The following CHN2 variants were observed in gnomAD, a reference collection of about 807,000 sequenced individuals.
The protein encoded by CHN2 is beta-chimaerin.
CHN2 carries 35 observed loss-of-function variants against 56.3 expected under a neutral mutation model. That is an observed-to-expected ratio of 0.62 (90% CI 0.47 to 0.82). CHN2 has a LOEUF of 0.82. CHN2 is among the 40% of genes least tolerant of loss of function. The pLI is 0.00. For synonymous variants in CHN2, 210 were observed against 212.8 expected (o/e 0.99, Z 0.12); for missense variants, 491 against 580.5 (o/e 0.85, Z 1.58).
At chr7:29,197,620 C>T (rs935455353) in intron 1 of CHN2, among the ~76,000 whole-genome samples, 3 of 152,232 alleles carry the variant, frequency 2.0e-5, no homozygotes, top group Admixed American at 6.5e-5. Context: ...ACACAATCCA[C>T]TTCTTTCATC....
At chr7:29,212,641 T>C (rs1289562966) in intron 1 of CHN2, 1 of 1,426,354 alleles carries the variant, frequency 7.0e-7, no homozygotes, top group African/African-American at 1.4e-5. Context: ...ATGATAGATT[T>C]CAGAGACAGA....
chr7:29,252,482 C>T (rs904552941), intron 1 of CHN2, among the ~76,000 whole-genome samples: 1 of 150,948 alleles, frequency 6.6e-6, no homozygotes, highest in Non-Finnish European at 1.5e-5. Context: ...GCCACTGCAC[C>T]CGGCCGATTA....
rs768065449 is a variant in CHN2, at chr7:29,194,992, T to C, written c.49+2T>C. 1.3e-6 allele frequency: 2 copies of C among 1,586,518 alleles called. No individual in the cohort carries two copies. Among genetic ancestry groups the C allele is most frequent in the South Asian group, 1.1e-5 (1 of 87,744 alleles). ...TGTCCGGCTCGTCGGTGTCCTCCGGTGAGTTTCAGCCCGTCGGGCGCTGCT... is the reference window on the plus strand; with the variant it reads ...TGTCCGGCTCGTCGGTGTCCTCCGGCGAGTTTCAGCCCGTCGGGCGCTGCT... On this transcript the variant is annotated splice_donor_variant, in intron 1 of 12. Transcript: ENST00000222792. LOFTEE classifies it high-confidence loss of function.
At chr7:29,212,845 C>G (rs1785058312) in intron 1 of CHN2, 1 of 1,608,966 alleles carries the variant, frequency 6.2e-7, no homozygotes, top group South Asian at 1.1e-5. Flanking sequence ...CTTCCTACCA[C>G]CAGGGATGAC....
intron 3 of CHN2, among the ~76,000 whole-genome samples, chr7:29,388,294 C>G (rs1358442514): frequency 1.3e-5 from 2 of 152,038 alleles, no homozygotes; most frequent in East Asian, 1.9e-4. Context: ...AAAAAAATGG[C>G]AAATAAATAT....
rs1738711327 is a variant in CHN2, at chr7:29,346,743, T to G, written c.50-7882T>G. 2.0e-5 allele frequency among the ~76,000 whole-genome samples: 3 copies of G among 152,248 alleles called. No individual in the cohort carries two copies. In the East Asian group the frequency reaches 5.8e-4, roughly 29 times the overall value. On this transcript the variant is annotated intron_variant, in intron 1 of 12. Transcript: ENST00000222792. ...TGTTTTTCTGTGAGTCGAGTCATCC[T>G]CCACTGAGCCGAGTGAAGGAATCTG...
chr7:29,294,265 G>T (rs117668099), intron 1 of CHN2, among the ~76,000 whole-genome samples: 1,739 of 152,226 alleles, frequency 0.011, 14 homozygotes, highest in Admixed American at 0.017. Flanking sequence ...TTAGTTGAAT[G>T]AATGAATGAA....
chr7:29,395,592 T>A (rs1353623679), intron 4 of CHN2, among the ~76,000 whole-genome samples: 1 of 152,222 alleles, frequency 6.6e-6, no homozygotes, highest in East Asian at 1.9e-4. Context: ...TACCCATAGT[T>A]CTACCATGAA....
intron 1 of CHN2, among the ~76,000 whole-genome samples, chr7:29,283,111 G>A (rs1791854225): frequency 6.6e-6 from 1 of 152,212 alleles, no homozygotes; most frequent in Non-Finnish European, 1.5e-5. Flanking sequence ...GTGCGTCGAT[G>A]TCTGACCTCC....
In CHN2 at chr7:29,198,072, C is replaced by T. The variant is rs1341661330; in HGVS notation, c.49+3082C>T. 49 of 455,832 alleles carry T rather than the reference C, an allele frequency of 1.1e-4. 1 individual carries two copies. Among genetic ancestry groups the T allele is most frequent in the Non-Finnish European group, 9.7e-5 (22 of 226,808 alleles). The allele number at this position is 455,832 out of a possible 1,614,324, so 28.2% of individuals were successfully genotyped here. Reference sequence around the variant, plus strand: ...AGCATCATGCACAGAGCTGCCAGCTCACTCATTGCTGCTGCTGATGTAGGA... The same window carrying T: ...AGCATCATGCACAGAGCTGCCAGCTTACTCATTGCTGCTGCTGATGTAGGA... On this transcript the variant is annotated intron_variant, in intron 1 of 12. Coordinates refer to ENST00000222792, the MANE Select transcript of CHN2 (RefSeq NM_004067.4).
intron 3 of CHN2, among the ~76,000 whole-genome samples, chr7:29,370,503 C>T (rs1408767777): frequency 1.3e-5 from 2 of 152,192 alleles, no homozygotes; most frequent in Non-Finnish European, 2.9e-5. Flanking sequence ...CCCGCATCTT[C>T]CTCTTCTACG....
At chr7:29,265,566 T>C (rs929669865) in intron 1 of CHN2, among the ~76,000 whole-genome samples, 1 of 152,178 alleles carries the variant, frequency 6.6e-6, no homozygotes, top group African/African-American at 2.4e-5. Context: ...ATGACTGAAA[T>C]AGAAACTTTC....
chr7:29,310,557 T>C (rs1188000533), intron 1 of CHN2, among the ~76,000 whole-genome samples: 1 of 152,188 alleles, frequency 6.6e-6, no homozygotes, highest in Non-Finnish European at 1.5e-5. Context: ...TTTTGAAAGG[T>C]GATATAAAAT....
At chr7:29,221,194 T>C (rs939197311) in intron 1 of CHN2, among the ~76,000 whole-genome samples, 5 of 152,158 alleles carry the variant, frequency 3.3e-5, no homozygotes, top group African/African-American at 1.2e-4. Flanking sequence ...TTGGCAATTC[T>C]AGCCAATGCA....
chr7:29,414,680 C>T (rs544144481), intron 6 of CHN2, among the ~76,000 whole-genome samples: 72 of 152,298 alleles, frequency 4.7e-4, no homozygotes, highest in Middle Eastern at 6.8e-3. Context: ...CCAACACACG[C>T]ATGCACACGT....
intron 1 of CHN2, among the ~76,000 whole-genome samples, chr7:29,233,474 GTC>G (rs1786879012): frequency 6.6e-6 from 1 of 152,178 alleles, no homozygotes; most frequent in Non-Finnish European, 1.5e-5. Flanking sequence ...CACCCAAGAT[GTC>G]GACTTCCACT....
At chr7:29,293,113 G>C in intron 1 of CHN2, 1 of 426,500 alleles carries the variant, frequency 2.3e-6, no homozygotes, top group Non-Finnish European at 4.8e-6. Context: ...GGCAGCACTC[G>C]TTTGCAGCTA....
chr7:29,494,185 A>G (rs1788974552), intron 7 of CHN2, among the ~76,000 whole-genome samples: 1 of 152,094 alleles, frequency 6.6e-6, no homozygotes, highest in African/African-American at 2.4e-5. Context: ...CTTCCAAAAG[A>G]GGCTTTCCTG....
intron 2 of CHN2, among the ~76,000 whole-genome samples, chr7:29,169,938 G>A (rs373953752): frequency 3.3e-5 from 5 of 151,708 alleles, no homozygotes; most frequent in Non-Finnish European, 7.4e-5. Context: ...GTGCAGTGGC[G>A]CCATCATAGC....
Sources: allele counts gnomAD v4.1 joint callset (sites outside exome capture counted in the v4.1 genomes callset), GRCh38; gene constraint gnomAD v4.1.1; transcripts MANE v1.5; gene names NCBI Gene and HGNC (gene_info 2026-07-23, HGNC 2026-07-21).